KALRN: variants seen among roughly 807,000 people sequenced by gnomAD.
The protein encoded by KALRN is kalirin RhoGEF kinase.
Under a neutral mutation model 353.7 loss-of-function variants are expected in KALRN, and 70 were observed. The observed-to-expected ratio is 0.20, with a 90% CI of 0.16 to 0.24. KALRN has a LOEUF of 0.24. Ranked by LOEUF, KALRN falls within the 10% of genes least tolerant of loss-of-function variation. KALRN has a pLI of 1.00. For synonymous variants in KALRN, 1,391 were observed against 1,434.8 expected (o/e 0.97, Z 0.69); for missense variants, 2,791 against 3,756.7 (o/e 0.74, Z 6.72).
chr3:124,132,761 C>T (rs535111083), intron 1 of KALRN, among the ~76,000 whole-genome samples: 6 of 152,294 alleles, frequency 3.9e-5, no homozygotes, highest in South Asian at 4.1e-4. Flanking sequence ...TGCCCCGTCT[C>T]ACATTCCAAG....
chr3:124,616,781 C>G (rs1043201932), intron 34 of KALRN, among the ~76,000 whole-genome samples: 1 of 151,908 alleles, frequency 6.6e-6, no homozygotes, highest in African/African-American at 2.4e-5. Context: ...CTGGCTAACA[C>G]GGTGAAACCC....
At chr3:124,110,716 G>C (rs2062880295) in intron 1 of KALRN, among the ~76,000 whole-genome samples, 1 of 152,174 alleles carries the variant, frequency 6.6e-6, no homozygotes, top group Admixed American at 6.5e-5. Flanking sequence ...AAATGCTTAA[G>C]ATTCCTTCGA....
At chr3:124,386,361 TATGA>T (rs1280556188) in intron 11 of KALRN, among the ~76,000 whole-genome samples, 2 of 151,962 alleles carry the variant, frequency 1.3e-5, no homozygotes, top group African/African-American at 2.4e-5. Context: ...TGGAATGGAG[TATGA>T]ATGAACAGGA....
intron 5 of KALRN, among the ~76,000 whole-genome samples, chr3:124,291,658 A>T (rs1396251327): frequency 6.6e-6 from 1 of 152,106 alleles, no homozygotes; most frequent in African/African-American, 2.4e-5. Flanking sequence ...GAGTTAGGGG[A>T]TCCGTAGCAT....
chr3:124,268,736 C>T lies in KALRN; in HGVS notation c.457-7C>T, dbSNP rs555664826. ...TGAGTATCCTTGTCTGTGTCTGCCCCTTCCAGACGAGCATGGTATCTGTGG... is the reference window on the plus strand; with the variant it reads ...TGAGTATCCTTGTCTGTGTCTGCCCTTTCCAGACGAGCATGGTATCTGTGG... On this transcript the variant is annotated splice_polypyrimidine_tract_variant and splice_region_variant and intron_variant, in intron 4 of 59. Transcript: ENST00000682506. The T allele has an allele frequency of 1.2e-6, 2 of 1,613,718 alleles. No individual in the cohort carries two copies. The highest frequency in any genetic ancestry group is 1.7e-6 in the Non-Finnish European group (2 of 1,179,712).
chr3:124,361,516 A>T (rs1457250945), intron 10 of KALRN, among the ~76,000 whole-genome samples: 1 of 152,200 alleles, frequency 6.6e-6, no homozygotes, highest in East Asian at 1.9e-4. Context: ...GGCATTTTTA[A>T]TATTAAAACT....
chr3:124,099,170 A>T (rs867671735), intron 1 of KALRN, among the ~76,000 whole-genome samples: 5 of 152,160 alleles, frequency 3.3e-5, no homozygotes, highest in African/African-American at 1.2e-4. Context: ...GTTATTAATG[A>T]TTGTCACCCC....
At chr3:124,618,307 G>T (rs1248841715) in intron 34 of KALRN, among the ~76,000 whole-genome samples, 1 of 151,526 alleles carries the variant, frequency 6.6e-6, no homozygotes, top group Non-Finnish European at 1.5e-5. Context: ...AGTAGAGACG[G>T]AGTTTCACCA....
intron 1 of KALRN, among the ~76,000 whole-genome samples, chr3:124,034,270 A>C (rs992304974): frequency 2.6e-5 from 4 of 152,042 alleles, no homozygotes; most frequent in Admixed American, 2.6e-4. Flanking sequence ...CCTGATGTGC[A>C]CAGAGGGGCG....
At chr3:124,104,690 C>T (rs2062142188) in intron 1 of KALRN, among the ~76,000 whole-genome samples, 1 of 152,190 alleles carries the variant, frequency 6.6e-6, no homozygotes, top group South Asian at 2.1e-4. Flanking sequence ...TAAGGAGAGA[C>T]TCAGATGTGT....
intron 33 of KALRN, among the ~76,000 whole-genome samples, chr3:124,560,063 T>G (rs927635919): frequency 5.9e-5 from 9 of 152,188 alleles, no homozygotes; most frequent in Admixed American, 5.9e-4. Context: ...CGCCAGGAAC[T>G]GTGTCTTGAA....
At chr3:124,254,407 T>C (rs941377941) in intron 3 of KALRN, among the ~76,000 whole-genome samples, 1 of 138,118 alleles carries the variant, frequency 7.2e-6, no homozygotes, top group South Asian at 2.4e-4. Flanking sequence ...TCAAGTGTTC[T>C]ATGCATCTAT....
Position 124,696,224 on chromosome 3 carries a change from C to T in KALRN, c.7668C>T (p.Thr2556=). The change falls in exon 54 of 60, where the codon ACC becomes ACT. Residue 2556 remains threonine (T), a synonymous_variant. Transcript: ENST00000682506. ...YTCIATNDHG[T]TSTSATVKVQ... ...GCATAGCAACAAATGACCACGGGAC[C>T]ACATCAACGTCTGCAACAGTCAAAG... 6.2e-7 allele frequency: 1 copy of T among 1,613,946 alleles called. No individual in the cohort carries two copies. The highest frequency in any genetic ancestry group is 2.2e-5 in the East Asian group (1 of 44,886).
intron 1 of KALRN, among the ~76,000 whole-genome samples, chr3:124,076,191 A>G (rs901526062): frequency 2.0e-5 from 3 of 152,192 alleles, no homozygotes; most frequent in African/African-American, 7.2e-5. Context: ...GGAGATATTT[A>G]GAATATCTAT....
chr3:124,169,639 A>G (rs546829594), intron 1 of KALRN, among the ~76,000 whole-genome samples: 2 of 152,234 alleles, frequency 1.3e-5, no homozygotes, highest in East Asian at 3.9e-4. Context: ...GTGCCAATCA[A>G]TGGCATTGAT....
In KALRN at chr3:124,062,795, A is replaced by G. The variant is rs185852967; in HGVS notation, c.73+28982A>G. 2.6e-4 allele frequency among the ~76,000 whole-genome samples: 39 copies of G among 152,286 alleles called. No homozygotes were observed. In the East Asian group the frequency reaches 7.2e-3, roughly 28 times the overall value. ...ATTTGTGATGACAGCTGGTGATTTG[A>G]ATGAAATTCTCTAGAAAACATACTA... is the stretch of plus-strand genomic sequence containing the variant. On this transcript the variant is annotated intron_variant, in intron 1 of 59. Coordinates refer to ENST00000682506, the MANE Select transcript of KALRN (RefSeq NM_001388419.1).
At chr3:124,299,007 A>G in intron 6 of KALRN, 94 bp downstream of exon 6, 1 of 1,508,626 alleles carries the variant, frequency 6.6e-7, no homozygotes, top group Non-Finnish European at 9.2e-7. Context: ...CACCCGAGGA[A>G]GAACTGTGAA....
intron 34 of KALRN, among the ~76,000 whole-genome samples, chr3:124,589,755 T>C (rs2075585645): frequency 6.6e-6 from 1 of 152,226 alleles, no homozygotes; most frequent in African/African-American, 2.4e-5. Flanking sequence ...CCACAGGGGA[T>C]TGGTTCCAGG....
At chr3:124,493,163 T>C (rs989193425) in intron 32 of KALRN, among the ~76,000 whole-genome samples, 6 of 152,248 alleles carry the variant, frequency 3.9e-5, no homozygotes, top group Non-Finnish European at 8.8e-5. Context: ...AGCCATCTAA[T>C]AGTCATGTCT....
Sources: allele counts gnomAD v4.1 joint callset (sites outside exome capture counted in the v4.1 genomes callset), GRCh38; gene constraint gnomAD v4.1.1; transcripts MANE v1.5; gene names NCBI Gene and HGNC (gene_info 2026-07-23, HGNC 2026-07-21).